The following ZNF804A variants were observed in gnomAD, a reference collection of about 807,000 sequenced individuals.
ZNF804A encodes zinc finger protein 804A.
ZNF804A carries 2 observed loss-of-function variants against 16.5 expected under a neutral mutation model. The ratio of observed to expected loss-of-function variants is 0.12; its 90% CI spans 0.05 to 0.38. The LOEUF is 0.38. Ranked by LOEUF, ZNF804A falls within the 10% of genes least tolerant of loss-of-function variation. The pLI, the probability that ZNF804A is intolerant of heterozygous loss-of-function variation, is 0.99. For missense variants in ZNF804A, 1,473 were observed against 1,390.7 expected (o/e 1.06, Z -0.94); for synonymous variants, 534 against 489.6 (o/e 1.09, Z -1.20).
At chr2:184,930,961 A>T (rs954523384) in intron 2 of ZNF804A, among the ~76,000 whole-genome samples, 3 of 152,244 alleles carry the variant, frequency 2.0e-5, no homozygotes, top group African/African-American at 7.2e-5. Context: ...ATGGCTGGGG[A>T]GTCCTCACAA....
At chr2:184,709,995 G>C (rs1693100619) in intron 1 of ZNF804A, among the ~76,000 whole-genome samples, 2 of 150,576 alleles carry the variant, frequency 1.3e-5, no homozygotes, top group African/African-American at 4.9e-5. Flanking sequence ...ATATTGCTTT[G>C]TGGGCTTCAC....
intron 2 of ZNF804A, among the ~76,000 whole-genome samples, chr2:184,910,514 T>C (rs1685338561): frequency 6.6e-6 from 1 of 152,078 alleles, no homozygotes; most frequent in Non-Finnish European, 1.5e-5. Context: ...CTGAGTCAAA[T>C]GGTAATTGTG....
intron 2 of ZNF804A, among the ~76,000 whole-genome samples, chr2:184,885,284 T>G (rs1684871219): frequency 6.6e-6 from 1 of 152,228 alleles, no homozygotes; most frequent in African/African-American, 2.4e-5. Flanking sequence ...AGCTTGGTGA[T>G]TTCTCAAAGA....
At chr2:184,746,518 T>C (rs1693792158) in intron 1 of ZNF804A, among the ~76,000 whole-genome samples, 1 of 151,514 alleles carries the variant, frequency 6.6e-6, no homozygotes, top group South Asian at 2.1e-4. Context: ...ATAAATCACT[T>C]CAAACAATTA....
At chr2:184,802,397 G>A (rs1446008271) in intron 1 of ZNF804A, among the ~76,000 whole-genome samples, 1 of 152,146 alleles carries the variant, frequency 6.6e-6, no homozygotes, top group African/African-American at 2.4e-5. Context: ...GCCCTTTATT[G>A]GAGAATATCG....
chr2:184,765,223 A>C (rs1694099979), intron 1 of ZNF804A, among the ~76,000 whole-genome samples: 1 of 152,184 alleles, frequency 6.6e-6, no homozygotes, highest in East Asian at 1.9e-4. Context: ...CTTCAGTAGC[A>C]TATTAGTGAC....
chr2:184,788,328 T>C (rs963177181), intron 1 of ZNF804A, among the ~76,000 whole-genome samples: 1 of 152,070 alleles, frequency 6.6e-6, no homozygotes, highest in Admixed American at 6.6e-5. Context: ...TCTGGCTTCT[T>C]TTCAGTTTTA....
intron 1 of ZNF804A, among the ~76,000 whole-genome samples, chr2:184,795,480 A>G (rs1232119775): frequency 6.6e-6 from 1 of 152,134 alleles, no homozygotes; most frequent in Non-Finnish European, 1.5e-5. Context: ...GAAAGAGTAC[A>G]AACAGACAAT....
intron 1 of ZNF804A, among the ~76,000 whole-genome samples, chr2:184,620,862 G>T (rs553723271): frequency 6.6e-6 from 1 of 151,678 alleles, no homozygotes; most frequent in South Asian, 2.1e-4. Context: ...TATAATTTTA[G>T]TATACAAGGA....
intron 1 of ZNF804A, among the ~76,000 whole-genome samples, chr2:184,750,811 C>A (rs930924586): frequency 6.6e-6 from 1 of 151,280 alleles, no homozygotes; most frequent in African/African-American, 2.4e-5. Context: ...TTGTCTTTTG[C>A]CTGATACCTC....
intron 1 of ZNF804A, among the ~76,000 whole-genome samples, chr2:184,785,498 T>C (rs2105776006): frequency 6.6e-6 from 1 of 152,020 alleles, no homozygotes; most frequent in Admixed American, 6.6e-5. Flanking sequence ...GGTGTAATGG[T>C]TATTAATATT....
intron 1 of ZNF804A, among the ~76,000 whole-genome samples, chr2:184,863,624 G>C (rs1038897698): frequency 4.6e-5 from 7 of 151,338 alleles, no homozygotes; most frequent in Non-Finnish European, 1.0e-4. Context: ...TAGCTTTATT[G>C]TAATTATAAT....
Position 184,840,215 on chromosome 2 carries a change from C to T in ZNF804A, c.112-26154C>T, listed in dbSNP as rs568766751. ...TCCAGCCTGACCAACATGGTGAAACCTCATCTCCACTAAAAAACACAAAAA... is the reference window on the plus strand; with the variant it reads ...TCCAGCCTGACCAACATGGTGAAACTTCATCTCCACTAAAAAACACAAAAA... On this transcript the variant is annotated intron_variant, in intron 1 of 3. Transcript: ENST00000302277. Among the ~76,000 whole-genome samples the T allele has an allele frequency of 7.2e-5, 11 of 152,168 alleles. No homozygotes were observed. In the South Asian group the frequency reaches 2.3e-3, roughly 32 times the overall value.
chr2:184,790,231 GT>G (rs1213824627), intron 1 of ZNF804A, among the ~76,000 whole-genome samples: 11 of 144,038 alleles, frequency 7.6e-5, no homozygotes, highest in Admixed American at 1.4e-4. Context: ...TTGTTTTTTT[GT>G]TTTTTTTTTG....
chr2:184,695,319 G>C (rs553580429), intron 1 of ZNF804A, among the ~76,000 whole-genome samples: 1 of 151,828 alleles, frequency 6.6e-6, no homozygotes, highest in Admixed American at 6.5e-5. Context: ...AAATTAGCCG[G>C]GTGAGGTGGC....
intron 1 of ZNF804A, among the ~76,000 whole-genome samples, chr2:184,717,227 G>A (rs1253431656): frequency 6.6e-6 from 1 of 152,092 alleles, no homozygotes; most frequent in Non-Finnish European, 1.5e-5. Flanking sequence ...TCCTTCTTGT[G>A]CAGCAACTGC....
chr2:184,894,861 A>AT (rs1322609610), intron 2 of ZNF804A, among the ~76,000 whole-genome samples: 3 of 151,410 alleles, frequency 2.0e-5, no homozygotes, highest in African/African-American at 4.9e-5. Flanking sequence ...AATTTTTTGT[A>AT]TTTTTTTGTT....
Position 184,937,885 on chromosome 2 carries a change from A to G in ZNF804A, c.2489A>G (p.Glu830Gly), listed in dbSNP as rs1375689552. Residue 830 changes from glutamate (E) to glycine (G), a missense_variant, in exon 4 of 4, where the codon GAA (glutamate) becomes GGA (glycine). Transcript: ENST00000302277. ...HPGFETLELK[E>G]NTDYPVKDNS... The stretch of plus-strand genomic sequence containing the variant: ...GGATTTGAAACTTTAGAACTCAAAG[A>G]AAATACAGATTATCCCGTGAAAGAC... 1 of 1,614,174 alleles carries G rather than the reference A, an allele frequency of 6.2e-7. No individual in the cohort carries two copies. Among genetic ancestry groups the G allele is most frequent in the Admixed American group, 1.7e-5 (1 of 60,004 alleles).
intron 1 of ZNF804A, among the ~76,000 whole-genome samples, chr2:184,684,217 A>G (rs1292504957): frequency 6.6e-6 from 1 of 152,234 alleles, no homozygotes; most frequent in Non-Finnish European, 1.5e-5. Flanking sequence ...AGACAGAAAA[A>G]TAATGTACAT....
Sources: allele counts gnomAD v4.1 joint callset (sites outside exome capture counted in the v4.1 genomes callset), GRCh38; gene constraint gnomAD v4.1.1; transcripts MANE v1.5; gene names NCBI Gene and HGNC (gene_info 2026-07-23, HGNC 2026-07-21).